The following DNAJC28 variants were observed in gnomAD, a reference collection of about 807,000 sequenced individuals.
DNAJC28 encodes DnaJ heat shock protein family (Hsp40) member C28.
A neutral mutation model predicts 33.3 loss-of-function variants in DNAJC28; 24 were observed. The observed-to-expected ratio is 0.72, with a 90% CI of 0.52 to 1.01. The LOEUF (loss-of-function observed/expected upper bound fraction) is 1.01. DNAJC28 is among the 50% of genes least tolerant of loss of function. The pLI is 0.00. For missense variants in DNAJC28, 442 were observed against 455.2 expected (o/e 0.97, Z 0.26); for synonymous variants, 120 against 147.2 (o/e 0.82, Z 1.34).
Position 33,488,949 on chromosome 21 carries a change from G to A in DNAJC28, c.445C>T (p.Gln149Ter). ...FEGIGFGTPT[Q>*]REKHYRQFRA... ...AATTGCCTATAATGCTTCTCTCGTT[G>A]AGTTGGAGTCCCAAAACCAATACCT... The change falls in exon 2 of 2, where the codon CAA becomes TAA. Residue 149 changes from glutamine (Q) to a stop codon, truncating the protein, a stop_gained. Transcript: ENST00000381947. LOFTEE classifies it high-confidence loss of function. 6.2e-7 allele frequency: 1 copy of A among 1,613,810 alleles called. No individual in the cohort carries two copies. Among genetic ancestry groups the A allele is most frequent in the Non-Finnish European group, 8.5e-7 (1 of 1,180,016 alleles).
At chr21:33,490,004 C>A (rs2084507536) in intron 1 of DNAJC28, among the ~76,000 whole-genome samples, 1 of 151,394 alleles carries the variant, frequency 6.6e-6, no homozygotes, top group Admixed American at 6.6e-5. Flanking sequence ...TGTTGCCCAC[C>A]CTGGTCTCCA....
rs1425056037 is a variant in DNAJC28 at position 33,488,300 on chromosome 21, T to A, written c.1094A>T (p.Lys365Ile). The A allele has an allele frequency of 6.4e-7, 1 of 1,558,514 alleles. No individual in the cohort carries two copies. ...PNNLDQGEGE[K>I]TPEIKKGFLN... is the part of the protein sequence containing the mutation. ...AAAACCTTTCTTGATTTCAGGTGTTTTCTCTCCTTCTCCTTGATCAAGGTT... is the reference window on the plus strand; with the variant it reads ...AAAACCTTTCTTGATTTCAGGTGTTATCTCTCCTTCTCCTTGATCAAGGTT... The change falls in exon 2 of 2, where the codon AAA becomes ATA. Residue 365 changes from lysine (K) to isoleucine (I), a missense_variant. Lys to Ile is a moderately radical substitution (Grantham distance 102, BLOSUM62 -3). Transcript: ENST00000381947.
chr21:33,488,969 A>T lies in DNAJC28; in HGVS notation c.425T>A (p.Ile142Asn). Residue 142 changes from isoleucine (I) to asparagine (N), a missense_variant, in exon 2 of 2, where the codon ATT (isoleucine) becomes AAT (asparagine). Coordinates refer to ENST00000381947, the MANE Select transcript of DNAJC28 (RefSeq NM_001040192.3). ...QHRHYLSFEG[I>N]GFGTPTQREK... ...TCGTTGAGTTGGAGTCCCAAAACCA[A>T]TACCTTCAAAACTTAAATAATGTCG... 1 of 1,613,946 alleles carries T rather than the reference A, an allele frequency of 6.2e-7. No homozygotes were observed. Among genetic ancestry groups the T allele is most frequent in the African/African-American group, 1.3e-5 (1 of 75,040 alleles).
In DNAJC28 at chr21:33,488,237, C is replaced by A; in HGVS notation, c.1157G>T (p.Arg386Leu). ...WMNLWKFIKI[R>L]SF ...TTATGATAGTAAACATCAAAATGATCGTATTTTAATAAATTTCCACAGATT... is the reference window on the plus strand; with the variant it reads ...TTATGATAGTAAACATCAAAATGATAGTATTTTAATAAATTTCCACAGATT... Residue 386 changes from arginine (R) to leucine (L), a missense_variant, in exon 2 of 2, where the codon CGA becomes CTA. Arg to Leu is a moderately radical substitution (Grantham distance 102, BLOSUM62 -2). Transcript: ENST00000381947. The A allele has an allele frequency of 1.3e-6, 2 of 1,498,214 alleles. No individual in the cohort carries two copies. The highest frequency in any genetic ancestry group is 1.4e-5 in the South Asian group (1 of 70,256). The allele number at this position is 1,498,214 out of a possible 1,614,324, so 92.8% of individuals were successfully genotyped here.
chr21:33,490,780 G>C (rs2084515529), intron 1 of DNAJC28, among the ~76,000 whole-genome samples: 1 of 152,034 alleles, frequency 6.6e-6, no homozygotes, highest in South Asian at 2.1e-4. Context: ...TAGATAGATA[G>C]AATCTGGATT....
At chr21:33,489,891 T>C (rs774283386) in intron 1 of DNAJC28, among the ~76,000 whole-genome samples, 2 of 150,740 alleles carry the variant, frequency 1.3e-5, no homozygotes, top group Non-Finnish European at 2.9e-5. Context: ...CCTCCTGGGC[T>C]GAAGTGATCC....
At position 33,488,198 on chromosome 21, in the gene DNAJC28, G is replaced by T; in HGVS notation, c.*29C>A. The T allele has an allele frequency of 6.9e-7, 1 of 1,439,566 alleles. No individual in the cohort carries two copies. Among genetic ancestry groups the T allele is most frequent in the East Asian group, 2.4e-5 (1 of 41,830 alleles). 89.2% of individuals were successfully genotyped at this position (1,439,566 alleles called of 1,614,324 possible). A position where few individuals can be genotyped will look rare whatever the true frequency, so the allele number is the denominator to read the frequency against. On this transcript the variant is annotated 3_prime_UTR_variant, in exon 2 of 2. Transcript: ENST00000381947. ...TCATTTTCCATGTAAAGTGTCAGTG[G>T]AACTAAGAATGATTTATGATAGTAA...
rs2084498427 is a variant in DNAJC28, at chr21:33,489,283, A to G, written c.111T>C (p.Asn37=). ...KMLPYFGIIR[N]RMMSTHKSKK... is the part of the protein sequence containing the mutation. ...TGGATTTATGGGTTGACATCATTCT[A>G]TTTCTAATGATACCAAAATATGGAA... Residue 37 remains asparagine (N), a synonymous_variant, in exon 2 of 2, where the codon AAT becomes AAC. Transcript: ENST00000381947. 6.2e-7 allele frequency: 1 copy of G among 1,601,190 alleles called. No homozygotes were observed. Among genetic ancestry groups the G allele is most frequent in the Non-Finnish European group, 8.5e-7 (1 of 1,176,216 alleles).
In DNAJC28 at chr21:33,488,865, G is replaced by C; in HGVS notation, c.529C>G (p.Gln177Glu). The C allele has an allele frequency of 6.2e-7, 1 of 1,609,864 alleles. No individual in the cohort carries two copies. The highest frequency in any genetic ancestry group is 8.5e-7 in the Non-Finnish European group (1 of 1,179,144). ...ACAATTACACTATCAGGAAAATACT[G>C]GCTTTGTAGTTTCTGCTTTTGATAT... ...MEYQKQKLQSQYFPDSVIVKN... is the reference protein window; with the variant it reads ...MEYQKQKLQSEYFPDSVIVKN... Residue 177 changes from glutamine (Q) to glutamate (E), a missense_variant, in exon 2 of 2, where the codon CAG (glutamine) becomes GAG (glutamate). Gln to Glu is a conservative substitution (Grantham distance 29, BLOSUM62 2). Transcript: ENST00000381947.
chr21:33,489,028 A>ATCT lies in DNAJC28; in HGVS notation c.363_365dup (p.Glu121dup), dbSNP rs368520867. ...GTGTTTTATATTTGAATTTTTCTACATCTTCTTCTTCTTCACCTTTACTCT... is the reference window on the plus strand; with the variant it reads ...GTGTTTTATATTTGAATTTTTCTACATCTTCTTCTTCTTCTTCACCTTTACTCT... On this transcript the variant is annotated inframe_insertion, in exon 2 of 2. Transcript: ENST00000381947. 3 of 1,612,270 alleles carry ATCT rather than the reference A, an allele frequency of 1.9e-6. No homozygotes were observed. Among genetic ancestry groups the ATCT allele is most frequent in the East Asian group, 2.2e-5 (1 of 44,870 alleles).
rs755366476 is a variant in DNAJC28 at position 33,489,200 on chromosome 21, T to A, written c.194A>T (p.Asp65Val). The A allele has an allele frequency of 6.2e-7, 1 of 1,609,028 alleles. No homozygotes were observed. Among genetic ancestry groups the A allele is most frequent in the African/African-American group, 1.3e-5 (1 of 74,614 alleles). Residue 65 changes from aspartate (D) to valine (V), a missense_variant, in exon 2 of 2, where the codon GAT becomes GTT. By Grantham distance (152) the Asp-to-Val change is radical (BLOSUM62 -3). Transcript: ENST00000381947. ...CTTATGAAAAGATTCCCTGACTTCATCTGCAGAGCATCCTTCCTCCACGTT... is the reference window on the plus strand; with the variant it reads ...CTTATGAAAAGATTCCCTGACTTCAACTGCAGAGCATCCTTCCTCCACGTT... ...LLNVEEGCSA[D>V]EVRESFHKLA...
chr21:33,490,904 C>T (rs950293288), intron 1 of DNAJC28, among the ~76,000 whole-genome samples: 1 of 152,134 alleles, frequency 6.6e-6, no homozygotes, highest in Non-Finnish European at 1.5e-5. Flanking sequence ...AGCAATTTAA[C>T]CAAGTCCCAT....
chr21:33,488,878 C>G lies in DNAJC28; in HGVS notation c.516G>C (p.Gln172His). The stretch of plus-strand genomic sequence containing the variant: ...CAGGAAAATACTGGCTTTGTAGTTT[C>G]TGCTTTTGATATTCCATCACTTGTT... ...AAEQVMEYQKQKLQSQYFPDS... is the reference protein window; with the variant it reads ...AAEQVMEYQKHKLQSQYFPDS... Residue 172 changes from glutamine to histidine, a missense_variant, in exon 2 of 2, where the codon CAG (glutamine) becomes CAC (histidine). Transcript: ENST00000381947. 6.2e-7 allele frequency: 1 copy of G among 1,609,790 alleles called. No homozygotes were observed. Among genetic ancestry groups the G allele is most frequent in the African/African-American group, 1.3e-5 (1 of 74,730 alleles).
chr21:33,490,210 G>T (rs2084510303), intron 1 of DNAJC28, among the ~76,000 whole-genome samples: 1 of 150,756 alleles, frequency 6.6e-6, no homozygotes, highest in Non-Finnish European at 1.5e-5. Context: ...CCGGGTTCAA[G>T]CGATTCTCCT....
intron 1 of DNAJC28, 143 bp from the exon 2 acceptor site, chr21:33,489,567 CTTTTTTT>C: frequency 2.8e-6 from 1 of 359,072 alleles, no homozygotes; most frequent in East Asian, 4.2e-5. Context: ...CAACTTTTTC[CTTTTTTT>C]TTTTTTTTTG....
Position 33,488,767 on chromosome 21 carries a change from T to C in DNAJC28, c.627A>G (p.Gln209=), listed in dbSNP as rs1374511331. Residue 209 remains glutamine, a synonymous_variant, in exon 2 of 2, where the codon CAA becomes CAG. Coordinates refer to ENST00000381947, the MANE Select transcript of DNAJC28 (RefSeq NM_001040192.3). ...AIERLVEDLI[Q]ESMAKGDFDN... ...CAAAGTCTCCTTTTGCCATGGATTC[T>C]TGAATGAGGTCCTCCACTAAACGTT... 2 of 1,613,394 alleles carry C rather than the reference T, an allele frequency of 1.2e-6. No individual in the cohort carries two copies. The highest frequency in any genetic ancestry group is 2.2e-5 in the East Asian group (1 of 44,872).
Position 33,488,481 on chromosome 21 carries a change from TGATGTTTTCTTG to T in DNAJC28, c.901_912del (p.Gln301_Ile304del), listed in dbSNP as rs2084483851. The T allele has an allele frequency of 2.5e-6, 4 of 1,612,204 alleles. No individual in the cohort carries two copies. The highest frequency in any genetic ancestry group is 3.4e-6 in the Non-Finnish European group (4 of 1,179,534). ...TCATTAATTCGCTTGTTTAATTTTCTGATGTTTTCTTGAAACTGCTCACAAACATGGTTCCAC... is the reference window on the plus strand; with the variant it reads ...TCATTAATTCGCTTGTTTAATTTTCTAAACTGCTCACAAACATGGTTCCAC... On this transcript the variant is annotated inframe_deletion, in exon 2 of 2. Coordinates refer to ENST00000381947, the MANE Select transcript of DNAJC28 (RefSeq NM_001040192.3).
In DNAJC28 at chr21:33,488,184, G is replaced by A; in HGVS notation, c.*43C>T. The A allele has an allele frequency of 7.2e-7, 1 of 1,386,684 alleles. No homozygotes were observed. Among genetic ancestry groups the A allele is most frequent in the Non-Finnish European group, 9.6e-7 (1 of 1,037,736 alleles). 85.9% of individuals were successfully genotyped at this position (1,386,684 alleles called of 1,614,324 possible). ...TATAGCAATAAATCTCATTTTCCAT[G>A]TAAAGTGTCAGTGGAACTAAGAATG... On this transcript the variant is annotated 3_prime_UTR_variant, in exon 2 of 2. Transcript: ENST00000381947.
chr21:33,488,987 T>A lies in DNAJC28; in HGVS notation c.407A>T (p.Tyr136Phe). The A allele has an allele frequency of 1.9e-6, 3 of 1,613,874 alleles. No individual in the cohort carries two copies. The highest frequency in any genetic ancestry group is 2.5e-6 in the Non-Finnish European group (3 of 1,179,994). ...FKYKTPQHRH[Y>F]LSFEGIGFGT... ...AAAACCAATACCTTCAAAACTTAAA[T>A]AATGTCGGTGTTGGGGTGTTTTATA... Residue 136 changes from tyrosine to phenylalanine, a missense_variant, in exon 2 of 2, where the codon TAT (tyrosine) becomes TTT (phenylalanine). Tyr to Phe is a conservative substitution (Grantham distance 22, BLOSUM62 3). Transcript: ENST00000381947.
Sources: allele counts gnomAD v4.1 joint callset (sites outside exome capture counted in the v4.1 genomes callset), GRCh38; gene constraint gnomAD v4.1.1; transcripts MANE v1.5; gene names NCBI Gene and HGNC (gene_info 2026-07-23, HGNC 2026-07-21).